C7: variants seen among roughly 807,000 people sequenced by gnomAD.
C7 encodes complement component C7.
In C7, 83 loss-of-function variants were observed where a neutral mutation model predicts 104.8. The observed-to-expected ratio is 0.79, with a 90% confidence interval of 0.66 to 0.95. C7 has a LOEUF of 0.95. Among genes scored for constraint, C7 ranks in the 40% least tolerant of loss-of-function variants. The pLI is 0.00. For missense variants in C7, 1,070 were observed against 1,011.2 expected (o/e 1.06, Z -0.79); for synonymous variants, 415 against 360.6 (o/e 1.15, Z -1.71).
At chr5:40,963,766 A>G (rs1740471601) in intron 13 of C7, among the ~76,000 whole-genome samples, 1 of 152,154 alleles carries the variant, frequency 6.6e-6, no homozygotes, top group Non-Finnish European at 1.5e-5. Context: ...TTGCTTCGCC[A>G]TGAAAGCTCG....
intron 1 of C7, among the ~76,000 whole-genome samples, chr5:40,925,209 C>T (rs1031857553): frequency 6.6e-6 from 1 of 152,084 alleles, no homozygotes; most frequent in Admixed American, 6.5e-5. Flanking sequence ...GCAGCCAGAC[C>T]ACATCTTGAA....
intron 6 of C7, among the ~76,000 whole-genome samples, chr5:40,938,438 T>C (rs1481360452): frequency 6.6e-6 from 1 of 152,194 alleles, no homozygotes; most frequent in African/African-American, 2.4e-5. Flanking sequence ...AGGTGGCATT[T>C]TTATTGCTGT....
At chr5:40,953,203 G>T (rs985075202) in intron 9 of C7, among the ~76,000 whole-genome samples, 20 of 152,078 alleles carry the variant, frequency 1.3e-4, no homozygotes, top group Admixed American at 1.3e-3. Flanking sequence ...GTCACAGAAA[G>T]TCAAATATTG....
At position 40,910,399 on chromosome 5, in the gene C7, G is replaced by A. The variant is rs186011631; in HGVS notation, c.6+783G>A. Among the ~76,000 whole-genome samples the A allele has an allele frequency of 5.3e-5, 8 of 152,226 alleles. No individual in the cohort carries two copies. The East Asian group carries it at 7.7e-4, about 15-fold the overall frequency. ...TAGGAATAATTTCACAGATCTGTCA[G>A]TGGCTAGATTGCTTCCATAGTCACT... On this transcript the variant is annotated intron_variant, in intron 1 of 17. Coordinates refer to ENST00000313164, the MANE Select transcript of C7 (RefSeq NM_000587.4).
chr5:40,936,926 A>G (rs1300865626), intron 5 of C7, among the ~76,000 whole-genome samples: 1 of 152,206 alleles, frequency 6.6e-6, no homozygotes. Context: ...CTGAACAGCA[A>G]TTGTCTAAAC....
chr5:40,971,748 T>A (rs112768896), intron 14 of C7, among the ~76,000 whole-genome samples: 5 of 152,286 alleles, frequency 3.3e-5, no homozygotes, highest in African/African-American at 1.2e-4. Flanking sequence ...TAATCCATCT[T>A]GAGTTAATTT....
chr5:40,964,848 G>C lies in C7; in HGVS notation c.1857G>C (p.Trp619Cys), dbSNP rs1442826820. 9 of 1,613,572 alleles carry C rather than the reference G, an allele frequency of 5.6e-6. No homozygotes were observed. The highest frequency in any genetic ancestry group is 6.8e-6 in the Non-Finnish European group (8 of 1,179,772). The change falls in exon 14 of 18, where the codon TGG (tryptophan) becomes TGC (cysteine). Residue 619 changes from tryptophan to cysteine, a missense_variant. Coordinates refer to ENST00000313164, the MANE Select transcript of C7 (RefSeq NM_000587.4). The part of the protein sequence containing the change: ...PVARCGEDLR[W>C]LVGEMHCQKI... ...CCAGATGTGGAGAAGATTTACGGTG[G>C]CTTGTTGGGGAAATGCATTGTCAGA... is the stretch of plus-strand genomic sequence containing the variant.
At chr5:40,971,935 G>T in intron 14 of C7, 2 of 395,044 alleles carry the variant, frequency 5.1e-6, no homozygotes, top group Non-Finnish European at 9.8e-6. Flanking sequence ...TCCAGCCTGG[G>T]CAACAAGACA....
At chr5:40,913,824 T>A (rs2111607184) in intron 1 of C7, among the ~76,000 whole-genome samples, 1 of 152,186 alleles carries the variant, frequency 6.6e-6, no homozygotes, top group East Asian at 1.9e-4. Context: ...AGACTACAGG[T>A]GCGTGCCAAC....
chr5:40,964,648 A>C, intron 13 of C7, 93 bp from the exon 14 acceptor site: 1 of 1,122,478 alleles, frequency 8.9e-7, no homozygotes, highest in African/African-American at 1.6e-5. Context: ...TTGCCTGATG[A>C]TTATGATTTA....
intron 7 of C7, among the ~76,000 whole-genome samples, chr5:40,946,072 T>A (rs1299831084): frequency 6.6e-6 from 1 of 151,748 alleles, no homozygotes; most frequent in Non-Finnish European, 1.5e-5. Context: ...TATACAATTT[T>A]AAAAAATCTA....
rs765144295 is a variant in C7, at chr5:40,979,924, A to C, written c.2350+15A>C. On this transcript the variant is annotated intron_variant, in intron 17 of 17. Transcript: ENST00000313164. ...AAAATGTGATGGTAAGGGGCCTTTC[A>C]TATTTGTAAGTATAAGAATGCTAAA... is the stretch of plus-strand genomic sequence containing the variant. 3.1e-5 allele frequency: 48 copies of C among 1,558,708 alleles called. No homozygotes were observed. Among genetic ancestry groups the C allele is most frequent in the Non-Finnish European group, 4.2e-5 (48 of 1,150,628 alleles).
intron 14 of C7, among the ~76,000 whole-genome samples, chr5:40,968,571 TATATATA>T (rs1561257276): frequency 0.035 from 2,199 of 62,674 alleles, 58 homozygotes; most frequent in East Asian, 0.095. Flanking sequence ...ATATATTTTA[TATATATA>T]TATATATATA....
chr5:40,957,990 C>A, intron 10 of C7, 43 bp from the exon 11 acceptor site: 1 of 1,400,984 alleles, frequency 7.1e-7, no homozygotes, highest in Non-Finnish European at 9.7e-7. Context: ...AATATTCTTG[C>A]CTAAATCCCT....
chr5:40,909,755 AG>A, intron 1 of C7, 139 bp downstream of exon 1: 1 of 490,808 alleles, frequency 2.0e-6, no homozygotes, highest in Non-Finnish European at 3.5e-6. Context: ...AGGAAAATAC[AG>A]AAGAAAAAGA....
intron 14 of C7, among the ~76,000 whole-genome samples, chr5:40,967,991 C>T (rs1740595219): frequency 6.6e-6 from 1 of 152,148 alleles, no homozygotes. Context: ...TGTCCTAAAA[C>T]ATTGCTTCTG....
At chr5:40,939,370 A>G (rs1739886490) in intron 6 of C7, among the ~76,000 whole-genome samples, 4 of 152,342 alleles carry the variant, frequency 2.6e-5, no homozygotes, top group Admixed American at 2.0e-4. Context: ...AGCTTTGGAA[A>G]GTAAGCAATA....
chr5:40,979,879 G>T lies in C7; in HGVS notation c.2320G>T (p.Gly774Cys). ...GCCTGCCTCAGCTGAGAAAGCTTGT[G>T]GTGCCTGCCCACTGTGGGGAAAATG... is the stretch of plus-strand genomic sequence containing the variant. ...TLPASAEKAC[G>C]ACPLWGKCDA... Residue 774 changes from glycine (G) to cysteine (C), a missense_variant, in exon 17 of 18, where the codon GGT (glycine) becomes TGT (cysteine). Physicochemically the swap from Gly to Cys is radical, Grantham distance 159. Transcript: ENST00000313164. The T allele has an allele frequency of 6.2e-7, 1 of 1,601,574 alleles. No individual in the cohort carries two copies. Among genetic ancestry groups the T allele is most frequent in the Non-Finnish European group, 8.5e-7 (1 of 1,172,642 alleles).
chr5:40,976,423 A>G (rs1237147224), intron 15 of C7, among the ~76,000 whole-genome samples: 1 of 151,982 alleles, frequency 6.6e-6, no homozygotes, highest in Non-Finnish European at 1.5e-5. Flanking sequence ...CAACTTCCTA[A>G]CTCTTTTTAC....
Sources: gnomAD v4.1 joint callset for allele counts (sites outside exome capture counted in the v4.1 genomes callset) on GRCh38, gnomAD v4.1.1 for gene constraint, MANE v1.5 for transcripts, NCBI Gene and HGNC (gene_info 2026-07-23, HGNC 2026-07-21) for gene names.